The following CA10 variants were observed in gnomAD, a reference collection of about 807,000 sequenced individuals.
The protein encoded by CA10 is carbonic anhydrase-related protein 10.
CA10 carries 14 observed loss-of-function variants against 44.2 expected under a neutral mutation model. The ratio of observed to expected loss-of-function variants is 0.32; its 90% CI spans 0.21 to 0.50. The LOEUF (loss-of-function observed/expected upper bound fraction) is 0.50. Ranked by LOEUF, CA10 falls within the 20% of genes least tolerant of loss-of-function variation. The pLI is 0.99. For missense variants in CA10, 350 were observed against 409.7 expected (o/e 0.85, Z 1.26); for synonymous variants, 159 against 141.6 (o/e 1.12, Z -0.87).
At chr17:51,912,054 C>A (rs1051962277) in intron 3 of CA10, among the ~76,000 whole-genome samples, 4 of 152,102 alleles carry the variant, frequency 2.6e-5, no homozygotes, top group Admixed American at 1.3e-4. Flanking sequence ...ATATCACATT[C>A]TATAAAGCCC....
chr17:51,669,037 C>T (rs1914313024), intron 4 of CA10, among the ~76,000 whole-genome samples: 1 of 152,188 alleles, frequency 6.6e-6, no homozygotes, highest in Non-Finnish European at 1.5e-5. Context: ...TGCAGCTTGC[C>T]ATGCCCAAGA....
At chr17:51,737,663 A>T (rs1916957323) in intron 4 of CA10, among the ~76,000 whole-genome samples, 1 of 152,166 alleles carries the variant, frequency 6.6e-6, no homozygotes, top group African/African-American at 2.4e-5. Flanking sequence ...GGAGTGCTGA[A>T]GTCAGATCTT....
At chr17:51,916,711 A>G (rs1446624293) in intron 3 of CA10, among the ~76,000 whole-genome samples, 1 of 152,150 alleles carries the variant, frequency 6.6e-6, no homozygotes, top group East Asian at 1.9e-4. Flanking sequence ...AGACTAATAC[A>G]AAGTTGTATT....
At chr17:52,062,020 T>C (rs1418947509) in intron 2 of CA10, among the ~76,000 whole-genome samples, 1 of 151,390 alleles carries the variant, frequency 6.6e-6, no homozygotes, top group Non-Finnish European at 1.5e-5. Context: ...CCTCATAAAT[T>C]CACTATATGC....
At chr17:51,791,837 A>AT (rs1241258753) in intron 3 of CA10, among the ~76,000 whole-genome samples, 2 of 152,192 alleles carry the variant, frequency 1.3e-5, no homozygotes, top group African/African-American at 4.8e-5. Flanking sequence ...ATCTTTTCAA[A>AT]TTTTTGGGAT....
Position 51,683,904 on chromosome 17 carries a change from G to A in CA10, c.466-30168C>T, listed in dbSNP as rs533827853. On this transcript the variant is annotated intron_variant, in intron 4 of 8. Transcript: ENST00000451037. ...AGATCACTCTCTAGTGACTGAGACT[G>A]TCAGAGAACCTTCAGACTCCTAAGC... 3.3e-5 allele frequency among the ~76,000 whole-genome samples: 5 copies of A among 152,326 alleles called. No individual in the cohort carries two copies. The South Asian group carries it at 8.3e-4, about 25-fold the overall frequency.
chr17:51,772,931 G>A (rs925839770), intron 3 of CA10, among the ~76,000 whole-genome samples: 7 of 152,058 alleles, frequency 4.6e-5, no homozygotes, highest in African/African-American at 1.7e-4. Context: ...CCTTCTCTGG[G>A]CTCTTAGAGC....
intron 2 of CA10, among the ~76,000 whole-genome samples, chr17:51,938,770 T>TA (rs1227434146): frequency 6.6e-6 from 1 of 152,064 alleles, no homozygotes; most frequent in African/African-American, 2.4e-5. Flanking sequence ...ACCCCCTGTT[T>TA]AACAAGCTCT....
intron 2 of CA10, among the ~76,000 whole-genome samples, chr17:51,931,585 A>C (rs369881583): frequency 6.6e-6 from 1 of 152,254 alleles, no homozygotes; most frequent in Non-Finnish European, 1.5e-5. Context: ...GTGTACACAA[A>C]GTTTTTCTTT....
chr17:52,154,989 A>G (rs1989775057), intron 1 of CA10, among the ~76,000 whole-genome samples: 1 of 152,230 alleles, frequency 6.6e-6, no homozygotes. Context: ...GGTTAACAAA[A>G]CACTAAGCTA....
At chr17:51,929,467 C>T (rs921319419) in intron 3 of CA10, among the ~76,000 whole-genome samples, 1 of 152,136 alleles carries the variant, frequency 6.6e-6, no homozygotes, top group Admixed American at 6.6e-5. Context: ...CTCTTCGCTC[C>T]CTGTGTTCAG....
At chr17:52,079,304 C>T (rs1417541952) in intron 1 of CA10, among the ~76,000 whole-genome samples, 2 of 151,338 alleles carry the variant, frequency 1.3e-5, no homozygotes, top group African/African-American at 4.9e-5. Context: ...AAAACACAAA[C>T]AAAAATTAGC....
intron 3 of CA10, among the ~76,000 whole-genome samples, chr17:51,875,291 A>G (rs1334038474): frequency 1.3e-5 from 2 of 152,136 alleles, no homozygotes; most frequent in Non-Finnish European, 2.9e-5. Context: ...GATTATGGGT[A>G]TGAGGCACTG....
At chr17:51,918,841 C>T (rs893593917) in intron 3 of CA10, among the ~76,000 whole-genome samples, 1 of 152,154 alleles carries the variant, frequency 6.6e-6, no homozygotes, top group African/African-American at 2.4e-5. Flanking sequence ...ACTAAAACAT[C>T]TAACTTTTTA....
chr17:51,872,511 C>T lies in CA10; in HGVS notation c.279+58479G>A, dbSNP rs574990750. ...TCCCCCTTCAGAGACCTCTTTGTAT[C>T]TCTCTGCTATCTGCCTTCTGTCAAG... On this transcript the variant is annotated intron_variant, in intron 3 of 8. Transcript: ENST00000451037. Among the ~76,000 whole-genome samples, 11 of 152,300 alleles carry T rather than the reference C, an allele frequency of 7.2e-5. No homozygotes were observed. In the South Asian group the frequency reaches 2.3e-3, roughly 32 times the overall value.
chr17:51,761,800 T>C (rs1414896152), intron 3 of CA10: 12 of 152,194 alleles, frequency 7.9e-5, no homozygotes, highest in African/African-American at 2.4e-4. Context: ...AACTGATATA[T>C]AGACATCATC....
chr17:52,096,520 C>A (rs369250188), intron 1 of CA10, among the ~76,000 whole-genome samples: 48 of 152,300 alleles, frequency 3.2e-4, no homozygotes, highest in African/African-American at 1.1e-3. Flanking sequence ...TATCCCCCAT[C>A]CTATCAACGG....
chr17:52,093,733 G>A (rs969744057), intron 1 of CA10, among the ~76,000 whole-genome samples: 6 of 152,066 alleles, frequency 3.9e-5, no homozygotes, highest in African/African-American at 7.2e-5. Flanking sequence ...AGTATTGCTA[G>A]CTTTTATGCA....
At chr17:51,784,718 C>A (rs970655790) in intron 3 of CA10, among the ~76,000 whole-genome samples, 15 of 152,206 alleles carry the variant, frequency 9.9e-5, no homozygotes, top group African/African-American at 3.1e-4. Flanking sequence ...CAATGCATAA[C>A]AATCACATCA....
Sources: allele counts gnomAD v4.1 joint callset (sites outside exome capture counted in the v4.1 genomes callset), GRCh38; gene constraint gnomAD v4.1.1; transcripts MANE v1.5; gene names NCBI Gene and HGNC (gene_info 2026-07-23, HGNC 2026-07-21).